Variants in DGKB observed in about 807,000 individuals in gnomAD.
The protein encoded by DGKB is diacylglycerol kinase beta, also known as 90 kDa diacylglycerol kinase.
In DGKB, 67 loss-of-function variants were observed where a neutral mutation model predicts 114.3. The observed-to-expected ratio is 0.59, with a 90% confidence interval of 0.48 to 0.72. The LOEUF (loss-of-function observed/expected upper bound fraction) is 0.72. Ranked by LOEUF, DGKB falls within the 30% of genes least tolerant of loss-of-function variation. DGKB has a pLI of 0.00. For missense variants in DGKB, 907 were observed against 975.2 expected (o/e 0.93, Z 0.93); for synonymous variants, 398 against 323.1 (o/e 1.23, Z -2.49).
At position 14,518,301 on chromosome 7, in the gene DGKB, G is replaced by A. The variant is rs572744079; in HGVS notation, c.1771-40076C>T. Among the ~76,000 whole-genome samples the A allele has an allele frequency of 8.5e-5, 13 of 152,152 alleles. No homozygotes were observed. The South Asian group carries it at 2.1e-3, about 24-fold the overall frequency. On this transcript the variant is annotated intron_variant, in intron 20 of 25. Coordinates refer to ENST00000402815, the MANE Select transcript of DGKB (RefSeq NM_001350709.2). The stretch of plus-strand genomic sequence containing the variant: ...CAGAGAAAAGAATAACAGACACTGG[G>A]AACTCTTTGAGGGTGAAGATTAAGA...
chr7:14,727,589 T>C (rs1456197634), intron 5 of DGKB, among the ~76,000 whole-genome samples: 1 of 152,160 alleles, frequency 6.6e-6, no homozygotes, highest in Non-Finnish European at 1.5e-5. Flanking sequence ...AGTAAGTTTA[T>C]TACCTCAACA....
intron 6 of DGKB, among the ~76,000 whole-genome samples, chr7:14,704,899 A>C (rs1183454281): frequency 2.0e-5 from 3 of 152,146 alleles, no homozygotes; most frequent in African/African-American, 7.2e-5. Context: ...GGAAGCTCTA[A>C]AAATCAGAGC....
chr7:14,338,750 A>G (rs772481538), intron 22 of DGKB, 40 bp from the exon 23 acceptor site: 1 of 1,248,512 alleles, frequency 8.0e-7, no homozygotes, highest in Non-Finnish European at 1.1e-6. Context: ...GGAATATTTT[A>G]TCTTTATTTC....
chr7:14,798,669 G>T (rs960290468), intron 2 of DGKB, among the ~76,000 whole-genome samples: 1 of 152,042 alleles, frequency 6.6e-6, no homozygotes, highest in Admixed American at 6.6e-5. Context: ...CTAATCCCAG[G>T]ACACCCAAAA....
At chr7:14,687,708 A>C (rs1821962151) in intron 9 of DGKB, among the ~76,000 whole-genome samples, 1 of 152,236 alleles carries the variant, frequency 6.6e-6, no homozygotes, top group Non-Finnish European at 1.5e-5. Flanking sequence ...TAAAAAGGAC[A>C]AAAAGCTAAT....
chr7:14,176,177 T>A (rs2128243007), intron 25 of DGKB: 1 of 179,624 alleles, frequency 5.6e-6, no homozygotes, highest in East Asian at 1.9e-4. Context: ...TATAGGAATG[T>A]AAGTAACTTG....
At chr7:14,647,009 T>C (rs1813164978) in intron 13 of DGKB, among the ~76,000 whole-genome samples, 1 of 151,314 alleles carries the variant, frequency 6.6e-6, no homozygotes, top group Non-Finnish European at 1.5e-5. Context: ...ACTAAAAAAT[T>C]ACAAACAGTC....
At chr7:14,566,148 T>C (rs1226643599) in intron 20 of DGKB, among the ~76,000 whole-genome samples, 1 of 152,138 alleles carries the variant, frequency 6.6e-6, no homozygotes, top group Non-Finnish European at 1.5e-5. Context: ...AATCAAATGC[T>C]TTAGGAAGAT....
intron 2 of DGKB, among the ~76,000 whole-genome samples, chr7:14,788,817 C>G (rs550019369): frequency 6.6e-6 from 1 of 152,164 alleles, no homozygotes; most frequent in Non-Finnish European, 1.5e-5. Context: ...AACAAACTAC[C>G]TTCCCAATGG....
chr7:14,694,809 T>C lies in DGKB; in HGVS notation c.592-615A>G, dbSNP rs557721999. Among the ~76,000 whole-genome samples the C allele has an allele frequency of 7.2e-5, 11 of 152,326 alleles. No individual in the cohort carries two copies. In the South Asian group the frequency reaches 2.3e-3, roughly 32 times the overall value. ...TACCTAGAAGGGCTGTTGTGAGGAT[T>C]AAATAAGCTAACGTATTATAAGCAG... is the stretch of plus-strand genomic sequence containing the variant. On this transcript the variant is annotated intron_variant, in intron 8 of 25. Transcript: ENST00000402815.
chr7:14,316,227 G>C, intron 23 of DGKB, among the ~76,000 whole-genome samples: 1 of 151,706 alleles, frequency 6.6e-6, no homozygotes. Context: ...AAAAGAACTA[G>C]AAAAGCAAGA....
chr7:14,786,880 T>TCAGACTCAGG (rs1282004994), intron 2 of DGKB, among the ~76,000 whole-genome samples: 48 of 152,204 alleles, frequency 3.2e-4, no homozygotes, highest in African/African-American at 1.1e-3. Flanking sequence ...CGAGACTCAG[T>TCAGACTCAGG]CAGACTCAGG....
chr7:14,585,389 A>C (rs1340505056), intron 17 of DGKB, among the ~76,000 whole-genome samples: 2 of 152,170 alleles, frequency 1.3e-5, no homozygotes, highest in Non-Finnish European at 2.9e-5. Flanking sequence ...CACTACTCTG[A>C]ATACTGAGTT....
chr7:14,303,792 C>T (rs918871972), intron 23 of DGKB, among the ~76,000 whole-genome samples: 6 of 151,832 alleles, frequency 4.0e-5, no homozygotes, highest in Non-Finnish European at 7.4e-5. Flanking sequence ...GTGATGTGGC[C>T]CAGGAGCCTT....
chr7:14,922,532 G>T (rs1456774249), intron 1 of DGKB, among the ~76,000 whole-genome samples: 1 of 151,816 alleles, frequency 6.6e-6, no homozygotes, highest in Non-Finnish European at 1.5e-5. Flanking sequence ...AGAAAGAGAA[G>T]TTGGGGAATT....
Position 14,339,098 on chromosome 7 carries a change from G to C in DGKB, c.1927-388C>G, listed in dbSNP as rs113173074. On this transcript the variant is annotated intron_variant, in intron 22 of 25. Coordinates refer to ENST00000402815, the MANE Select transcript of DGKB (RefSeq NM_001350709.2). ...GGAAGAAATTGTGATGATTGCCCCTGTTTAGAACACACTGCAAGGTACTAT... is the reference window on the plus strand; with the variant it reads ...GGAAGAAATTGTGATGATTGCCCCTCTTTAGAACACACTGCAAGGTACTAT... Among the ~76,000 whole-genome samples, 89 of 151,836 alleles carry C rather than the reference G, an allele frequency of 5.9e-4. 1 individual carries two copies. Among genetic ancestry groups the C allele is most frequent in the African/African-American group, 2.1e-3 (85 of 41,460 alleles).
chr7:14,707,805 A>G (rs1826570179), intron 6 of DGKB, among the ~76,000 whole-genome samples: 1 of 54,646 alleles, frequency 1.8e-5, no homozygotes, highest in African/African-American at 6.4e-5. Flanking sequence ...TTAGGTATCG[A>G]TGGGACGTAT....
At chr7:14,742,722 C>T (rs531795224) in intron 4 of DGKB, among the ~76,000 whole-genome samples, 8 of 152,140 alleles carry the variant, frequency 5.3e-5, no homozygotes. Flanking sequence ...TCAGATTTTA[C>T]ATTAAAGTTT....
intron 9 of DGKB, among the ~76,000 whole-genome samples, chr7:14,687,961 A>C (rs1319550360): frequency 1.3e-5 from 2 of 152,238 alleles, no homozygotes; most frequent in East Asian, 3.8e-4. Context: ...ACCAAAAAAC[A>C]AATTAAATGG....
Sources: gnomAD v4.1 joint callset for allele counts (sites outside exome capture counted in the v4.1 genomes callset) on GRCh38, gnomAD v4.1.1 for gene constraint, MANE v1.5 for transcripts, NCBI Gene and HGNC (gene_info 2026-07-23, HGNC 2026-07-21) for gene names.